Variants in AKAP13 observed in about 807,000 individuals in gnomAD.
The protein encoded by AKAP13 is A-kinase anchoring protein 13.
AKAP13 carries 80 observed loss-of-function variants against 264.5 expected under a neutral mutation model. The ratio of observed to expected loss-of-function variants is 0.30; its 90% confidence interval spans 0.25 to 0.36. The LOEUF (loss-of-function observed/expected upper bound fraction) is 0.36, where lower values mean the gene tolerates loss of function less well. Ranked by LOEUF, AKAP13 falls within the 10% of genes least tolerant of loss-of-function variation. The pLI, the probability that AKAP13 is intolerant of heterozygous loss-of-function variation, is 1.00. For missense variants in AKAP13, 3,712 were observed against 3,435.2 expected, an observed-to-expected ratio of 1.08 and a Z score of -2.01; for synonymous variants, 1,380 against 1,250.2, an observed-to-expected ratio of 1.10 and a Z score of -2.19.
At chr15:85,389,671 A>G (rs1567033754) in intron 1 of AKAP13, among the ~76,000 whole-genome samples, 2 of 152,256 alleles carry the variant, frequency 1.3e-5, no homozygotes, top group East Asian at 3.8e-4. Flanking sequence ...TAGCTCAGCC[A>G]TTGCTTTGTG....
At chr15:85,420,855 A>G (rs1050548708) in intron 1 of AKAP13, among the ~76,000 whole-genome samples, 1 of 152,216 alleles carries the variant, frequency 6.6e-6, no homozygotes, top group African/African-American at 2.4e-5. Flanking sequence ...AGGCTGAAGT[A>G]GGAGGATTGC....
chr15:85,630,629 A>G (rs1031917915), intron 8 of AKAP13, among the ~76,000 whole-genome samples: 5 of 152,202 alleles, frequency 3.3e-5, no homozygotes, highest in African/African-American at 1.2e-4. Context: ...AAATAGAAGG[A>G]TAGAAACATC....
At position 85,743,551 on chromosome 15, in the gene AKAP13, G is replaced by T; in HGVS notation, c.8118G>T (p.Glu2706Asp). The change falls in exon 36 of 37, where the codon GAG becomes GAT. Residue 2706 changes from glutamate to aspartate, a missense_variant. Around this residue, in one of 3 missense-constraint regions of AKAP13, gnomAD observed 611 missense variants for 539.3 expected, o/e 1.13. Coordinates refer to ENST00000394518, the MANE Select transcript of AKAP13 (RefSeq NM_007200.5). ...RIPSFFPSPE[E>D]PPSPSAPSIA... Reference sequence around the variant, plus strand: ...CATCGTTCTTCCCCAGTCCTGAGGAGCCCCCCTCGCCATCTGCACCTTCCA... The same window carrying T: ...CATCGTTCTTCCCCAGTCCTGAGGATCCCCCCTCGCCATCTGCACCTTCCA... 1 of 1,614,150 alleles carries T rather than the reference G, an allele frequency of 6.2e-7. No homozygotes were observed. Among genetic ancestry groups the T allele is most frequent in the Non-Finnish European group, 8.5e-7 (1 of 1,180,028 alleles).
At chr15:85,742,470 G>T (rs2151789299) in intron 35 of AKAP13, among the ~76,000 whole-genome samples, 2 of 152,230 alleles carry the variant, frequency 1.3e-5, no homozygotes, top group Middle Eastern at 6.8e-3. Context: ...AGTTACAGAG[G>T]GAAACGCCCA....
chr15:85,575,491 A>C (rs554712294), intron 6 of AKAP13, among the ~76,000 whole-genome samples, 162 bp downstream of exon 6: 21 of 152,312 alleles, frequency 1.4e-4, no homozygotes, highest in Middle Eastern at 3.4e-3. Flanking sequence ...CAGGAGATGG[A>C]GACCATCCTG....
chr15:85,595,092 T>TTTTTTG (rs1189567579), intron 8 of AKAP13, among the ~76,000 whole-genome samples: 1 of 152,124 alleles, frequency 6.6e-6, no homozygotes, highest in Non-Finnish European at 1.5e-5. Context: ...TTGGAGGGTT[T>TTTTTTG]TTTTTGTTTT....
chr15:85,424,143 C>T (rs1459943511), intron 1 of AKAP13, among the ~76,000 whole-genome samples: 1 of 152,136 alleles, frequency 6.6e-6, no homozygotes, highest in African/African-American at 2.4e-5. Context: ...CTGCATTAGC[C>T]CCTAACAAGA....
intron 27 of AKAP13, chr15:85,726,844 A>T: frequency 1.7e-6 from 1 of 576,238 alleles, no homozygotes; most frequent in Non-Finnish European, 3.0e-6. Context: ...GGAAAACATG[A>T]CTGGAACCTT....
At position 85,400,458 on chromosome 15, in the gene AKAP13, G is replaced by A. The variant is rs185454832; in HGVS notation, c.-12+19660G>A. 3.5e-3 allele frequency among the ~76,000 whole-genome samples: 535 copies of A among 152,110 alleles called. 2 individuals carry two copies. Among genetic ancestry groups the A allele is most frequent in the African/African-American group, 0.012 (486 of 41,502 alleles). ...AATTTAGTTCTGAAAGTACAAATAC[G>A]TATAATCCACATATGTTCCTCAAAT... On this transcript the variant is annotated intron_variant, in intron 1 of 36. Coordinates refer to ENST00000394518, the MANE Select transcript of AKAP13 (RefSeq NM_007200.5).
In AKAP13 at chr15:85,741,346, C is replaced by G; in HGVS notation, c.7909C>G (p.Arg2637Gly). 3.7e-6 allele frequency: 6 copies of G among 1,613,670 alleles called. No individual in the cohort carries two copies. Among genetic ancestry groups the G allele is most frequent in the Non-Finnish European group, 5.1e-6 (6 of 1,179,914 alleles). ...GGGGCAGCAGGACCTGGAAAAGGAG[C>G]GGGAGGAGCTCCAGCAGAAGAAGGG... Reference protein sequence around the residue: ...QQGQQDLEKEREELQQKKGTY... With the variant: ...QQGQQDLEKEGEELQQKKGTY... The change falls in exon 35 of 37, where the codon CGG becomes GGG. Residue 2637 changes from arginine (R) to glycine (G), a missense_variant. Transcript: ENST00000394518.
intron 11 of AKAP13, among the ~76,000 whole-genome samples, chr15:85,656,049 A>G (rs752334207): frequency 6.6e-6 from 1 of 152,200 alleles, no homozygotes; most frequent in East Asian, 1.9e-4. Flanking sequence ...TAATAATACA[A>G]TGAAATGTGA....
intron 1 of AKAP13, among the ~76,000 whole-genome samples, chr15:85,465,572 G>C (rs965699188): frequency 1.9e-4 from 27 of 140,848 alleles, no homozygotes; most frequent in African/African-American, 7.0e-4. Flanking sequence ...TCATTGTTCA[G>C]TTCCCACCTA....
chr15:85,470,550 G>C (rs567012833), intron 1 of AKAP13, among the ~76,000 whole-genome samples: 1 of 152,264 alleles, frequency 6.6e-6, no homozygotes, highest in East Asian at 1.9e-4. Context: ...GAGATTACGT[G>C]GTTTGTACAA....
At chr15:85,667,269 G>T (rs971961038) in intron 13 of AKAP13, among the ~76,000 whole-genome samples, 18 of 152,168 alleles carry the variant, frequency 1.2e-4, no homozygotes, top group African/African-American at 4.3e-4. Flanking sequence ...GCTTGTGTGA[G>T]ACCAGACAAA....
chr15:85,726,159 C>T, intron 26 of AKAP13: 1 of 411,798 alleles, frequency 2.4e-6, no homozygotes, highest in Non-Finnish European at 4.3e-6. Context: ...GGACTGAGTA[C>T]TTAAACTTTT....
At chr15:85,389,649 A>G (rs749207313) in intron 1 of AKAP13, among the ~76,000 whole-genome samples, 9 of 152,252 alleles carry the variant, frequency 5.9e-5, no homozygotes, top group African/African-American at 1.7e-4. Context: ...TTTGTTGACT[A>G]TCTTCTGACA....
chr15:85,469,383 T>A (rs1402579853), intron 1 of AKAP13, among the ~76,000 whole-genome samples: 2 of 152,136 alleles, frequency 1.3e-5, no homozygotes, highest in African/African-American at 4.8e-5. Context: ...GATATTACTA[T>A]TGGGTGTTCC....
At chr15:85,397,355 G>C (rs2071167665) in intron 1 of AKAP13, among the ~76,000 whole-genome samples, 1 of 152,148 alleles carries the variant, frequency 6.6e-6, no homozygotes. Flanking sequence ...GCTTGTGGCA[G>C]TCTAAAGATG....
chr15:85,540,193 G>A (rs374848449), intron 4 of AKAP13, among the ~76,000 whole-genome samples: 3 of 152,154 alleles, frequency 2.0e-5, no homozygotes, highest in Non-Finnish European at 4.4e-5. Context: ...AAAATATCAC[G>A]TGAGGAAGGG....
Sources: allele counts gnomAD v4.1 joint callset (sites outside exome capture counted in the v4.1 genomes callset), GRCh38; gene constraint gnomAD v4.1.1; regional missense constraint gnomAD v4.1.1; transcripts MANE v1.5; gene names NCBI Gene and HGNC (gene_info 2026-07-23, HGNC 2026-07-21).